The following PARD3B variants were observed in gnomAD, a reference collection of about 807,000 sequenced individuals.
PARD3B encodes the protein partitioning defective 3 homolog B.
A neutral mutation model predicts 130.2 loss-of-function variants in PARD3B; 103 were observed. The observed-to-expected ratio is 0.79, with a 90% CI of 0.67 to 0.93. PARD3B has a LOEUF of 0.93. Ranked by LOEUF, PARD3B falls within the 40% of genes least tolerant of loss-of-function variation. The probability of loss-of-function intolerance (pLI) is 0.00; values close to 1 mark genes in which losing one functional copy is unlikely to be tolerated. For synonymous variants in PARD3B, 583 were observed against 553.2 expected, an observed-to-expected ratio of 1.05 and a Z score of -0.76; for missense variants, 1,609 against 1,499.2, an observed-to-expected ratio of 1.07 and a Z score of -1.21.
At chr2:205,018,992 A>G (rs898552058) in intron 3 of PARD3B, among the ~76,000 whole-genome samples, 5 of 152,180 alleles carry the variant, frequency 3.3e-5, no homozygotes, top group Non-Finnish European at 7.3e-5. Flanking sequence ...TGTATAATTC[A>G]TAACATATTG....
intron 18 of PARD3B, among the ~76,000 whole-genome samples, chr2:205,357,121 A>G (rs10932108): frequency 0.61 from 92,430 of 152,100 alleles, 31,119 homozygotes; most frequent in South Asian, 0.77. Context: ...CTGTTCACTC[A>G]TTCATTAATA....
At chr2:204,961,232 C>T (rs72940486) in intron 2 of PARD3B, among the ~76,000 whole-genome samples, 13,288 of 152,112 alleles carry the variant, frequency 0.087, 723 homozygotes, top group Non-Finnish European at 0.12. Context: ...TGCTGTGTTG[C>T]GCGCAGGGGA....
intron 1 of PARD3B, among the ~76,000 whole-genome samples, chr2:204,637,746 T>G (rs1323491570): frequency 1.3e-5 from 2 of 151,636 alleles, no homozygotes; most frequent in Non-Finnish European, 2.9e-5. Flanking sequence ...TTTTTTTCCC[T>G]CTGTCCCCCT....
intron 19 of PARD3B, among the ~76,000 whole-genome samples, chr2:205,434,162 T>C (rs532014552): frequency 2.0e-5 from 3 of 152,332 alleles, no homozygotes; most frequent in African/African-American, 7.2e-5. Flanking sequence ...TTTCCAACAT[T>C]TGTTTTTGTC....
At chr2:205,436,986 G>A (rs1353323809) in intron 19 of PARD3B, among the ~76,000 whole-genome samples, 2 of 151,778 alleles carry the variant, frequency 1.3e-5, no homozygotes, top group African/African-American at 4.8e-5. Flanking sequence ...TCTGAAGCTG[G>A]ATCCCCACAA....
At chr2:204,672,003 T>C (rs1390536916) in intron 1 of PARD3B, among the ~76,000 whole-genome samples, 2 of 152,230 alleles carry the variant, frequency 1.3e-5, no homozygotes, top group East Asian at 3.8e-4. Flanking sequence ...AATTTTTAGC[T>C]TAATATTGTG....
chr2:204,774,356 C>G (rs2041520794), intron 2 of PARD3B, among the ~76,000 whole-genome samples: 1 of 151,910 alleles, frequency 6.6e-6, no homozygotes, highest in African/African-American at 2.4e-5. Context: ...ATATAATAGT[C>G]CATGTAATTG....
chr2:204,596,075 AT>A (rs1039790369), intron 1 of PARD3B, among the ~76,000 whole-genome samples: 3 of 152,208 alleles, frequency 2.0e-5, no homozygotes, highest in East Asian at 1.9e-4. Context: ...TCTTGTGATG[AT>A]TTTTTTTGAT....
At chr2:204,930,007 C>A (rs1022121642) in intron 2 of PARD3B, among the ~76,000 whole-genome samples, 1 of 151,880 alleles carries the variant, frequency 6.6e-6, no homozygotes, top group Non-Finnish European at 1.5e-5. Context: ...TTCCTCTTTG[C>A]CAAGCCCAAC....
At chr2:204,902,050 G>A (rs762578293) in intron 2 of PARD3B, among the ~76,000 whole-genome samples, 7 of 152,198 alleles carry the variant, frequency 4.6e-5, no homozygotes, top group Non-Finnish European at 1.0e-4. Context: ...TGCACTGCCT[G>A]GGGTTGGTGG....
At chr2:204,597,522 A>G (rs755852226) in intron 1 of PARD3B, among the ~76,000 whole-genome samples, 1 of 152,206 alleles carries the variant, frequency 6.6e-6, no homozygotes, top group Non-Finnish European at 1.5e-5. Context: ...TACTGCTAAC[A>G]TGTGTGAATG....
At chr2:204,645,891 A>G (rs891769226) in intron 1 of PARD3B, among the ~76,000 whole-genome samples, 11 of 152,072 alleles carry the variant, frequency 7.2e-5, no homozygotes, top group African/African-American at 2.7e-4. Context: ...ATGTATTTTC[A>G]TGGCTTACTC....
At chr2:205,252,721 C>A (rs1026289595) in intron 16 of PARD3B, among the ~76,000 whole-genome samples, 2 of 151,866 alleles carry the variant, frequency 1.3e-5, no homozygotes, top group African/African-American at 4.8e-5. Context: ...TACAGACTCA[C>A]ACCAAATGAA....
chr2:204,802,223 A>G (rs1463423263), intron 2 of PARD3B, among the ~76,000 whole-genome samples: 2 of 152,228 alleles, frequency 1.3e-5, no homozygotes, highest in African/African-American at 2.4e-5. Flanking sequence ...TTATGTGGCC[A>G]ATAAACATAT....
At chr2:205,152,726 G>A (rs1370396208) in intron 10 of PARD3B, among the ~76,000 whole-genome samples, 4 of 152,154 alleles carry the variant, frequency 2.6e-5, no homozygotes, top group African/African-American at 9.7e-5. Flanking sequence ...GGAGAAGTTT[G>A]TTATTACCGA....
At chr2:205,330,499 T>G (rs2043084351) in intron 18 of PARD3B, among the ~76,000 whole-genome samples, 1 of 152,248 alleles carries the variant, frequency 6.6e-6, no homozygotes, top group South Asian at 2.1e-4. Flanking sequence ...GGGCATAGGC[T>G]GAGGCAACTA....
rs1156232439 is a variant in PARD3B at position 205,078,531 on chromosome 2, ATTAAT to A, written c.505-25890_505-25886del. The stretch of plus-strand genomic sequence containing the variant: ...AGAAATTTAAAGTAAATGTGACTTC[ATTAAT>A]TTAAACTTGTAGTATTTTGCTTAAA... On this transcript the variant is annotated intron_variant, in intron 4 of 22. Coordinates refer to ENST00000406610, the MANE Select transcript of PARD3B (RefSeq NM_001302769.2). The surrounding 1 kb of genome is among the most constrained non-coding windows in gnomAD (Gnocchi z 4.0). Among the ~76,000 whole-genome samples the A allele has an allele frequency of 6.6e-6, 1 of 152,230 alleles. No homozygotes were observed. Among genetic ancestry groups the A allele is most frequent in the African/African-American group, 2.4e-5 (1 of 41,458 alleles).
At chr2:205,431,523 G>A (rs1031381812) in intron 19 of PARD3B, among the ~76,000 whole-genome samples, 1 of 151,434 alleles carries the variant, frequency 6.6e-6, no homozygotes, top group African/African-American at 2.4e-5. Context: ...AGGCTTGAGT[G>A]CAGTGGCGCT....
intron 19 of PARD3B, among the ~76,000 whole-genome samples, chr2:205,404,192 T>C (rs538884919): frequency 2.0e-5 from 3 of 152,320 alleles, no homozygotes; most frequent in African/African-American, 4.8e-5. Context: ...CAACCGCAGA[T>C]TGAAAATATT....
Sources: allele counts gnomAD v4.1 joint callset (sites outside exome capture counted in the v4.1 genomes callset), GRCh38; gene constraint gnomAD v4.1.1; non-coding constraint Gnocchi (gnomAD v3.1); transcripts MANE v1.5; gene names NCBI Gene and HGNC (gene_info 2026-07-23, HGNC 2026-07-21).